The following EHBP1 variants were observed in gnomAD, a reference collection of about 807,000 sequenced individuals.
EHBP1 encodes EH domain binding protein 1, also known as EH domain-binding protein 1.
In EHBP1, 55 loss-of-function variants were observed where a neutral mutation model predicts 144.0. The observed-to-expected ratio is 0.38, with a 90% CI of 0.31 to 0.48. The LOEUF is 0.48. EHBP1 is among the 20% of genes least tolerant of loss of function. EHBP1 has a pLI of 0.98. For synonymous variants in EHBP1, 469 were observed against 472.7 expected, an observed-to-expected ratio of 0.99 and a Z score of 0.10; for missense variants, 1,200 against 1,364.2, an observed-to-expected ratio of 0.88 and a Z score of 1.90.
At chr2:62,880,937 G>A (rs2152871927) in intron 10 of EHBP1, among the ~76,000 whole-genome samples, 1 of 151,836 alleles carries the variant, frequency 6.6e-6, no homozygotes, top group South Asian at 2.1e-4. Flanking sequence ...AACATACTAG[G>A]TATGTTTATC....
At chr2:62,951,534 TG>T (rs70962799) in intron 13 of EHBP1, among the ~76,000 whole-genome samples, 4,665 of 92,248 alleles carry the variant, frequency 0.051, 241 homozygotes, top group African/African-American at 0.15. Flanking sequence ...TTTTTTTTTT[TG>T]GGGGGGGGGG....
intron 5 of EHBP1, among the ~76,000 whole-genome samples, chr2:62,777,880 G>A (rs958621109): frequency 1.3e-5 from 2 of 152,026 alleles, no homozygotes; most frequent in African/African-American, 2.4e-5. Context: ...TCTAAGTAGC[G>A]GAAAGAAATA....
intron 8 of EHBP1, among the ~76,000 whole-genome samples, chr2:62,863,753 G>A (rs550290419): frequency 1.3e-5 from 2 of 149,732 alleles, no homozygotes; most frequent in Admixed American, 6.6e-5. Context: ...CTGTGCTTAC[G>A]TAAATATCAA....
chr2:62,946,796 C>T (rs2057097312), intron 12 of EHBP1, among the ~76,000 whole-genome samples: 1 of 152,002 alleles, frequency 6.6e-6, no homozygotes, highest in South Asian at 2.1e-4. Flanking sequence ...TTAAAAGAAA[C>T]CTAGTTTGTT....
rs148089220 is a variant in EHBP1 at position 62,891,737 on chromosome 2, C to T, written c.1185+17205C>T. 4.9e-4 allele frequency among the ~76,000 whole-genome samples: 75 copies of T among 152,192 alleles called. 1 individual carries two copies. The highest frequency in any genetic ancestry group is 1.5e-3 in the African/African-American group (64 of 41,558). ...ATTAAAGGTGTGTTAGCATCCTCTTCGCAGACTTGCATATAGCGAGGCCGT... is the reference window on the plus strand; with the variant it reads ...ATTAAAGGTGTGTTAGCATCCTCTTTGCAGACTTGCATATAGCGAGGCCGT... On this transcript the variant is annotated intron_variant, in intron 10 of 22. Transcript: ENST00000431489.
chr2:62,906,638 C>A (rs997732458), intron 10 of EHBP1, among the ~76,000 whole-genome samples: 1 of 152,084 alleles, frequency 6.6e-6, no homozygotes, highest in African/African-American at 2.4e-5. Flanking sequence ...AAAGAGATCC[C>A]ATGTGTACTT....
intron 2 of EHBP1, among the ~76,000 whole-genome samples, chr2:62,746,428 A>G (rs1280764264): frequency 6.6e-6 from 1 of 151,984 alleles, no homozygotes; most frequent in Non-Finnish European, 1.5e-5. Flanking sequence ...AATAGGAGGA[A>G]AGGTTATCTG....
At chr2:62,749,100 T>A (rs929455990) in intron 3 of EHBP1, among the ~76,000 whole-genome samples, 1 of 152,106 alleles carries the variant, frequency 6.6e-6, no homozygotes, top group African/African-American at 2.4e-5. Context: ...TCGTCATTTA[T>A]ATTAGGTATA....
intron 7 of EHBP1, among the ~76,000 whole-genome samples, chr2:62,838,445 G>C (rs1272475699): frequency 6.6e-6 from 1 of 151,764 alleles, no homozygotes; most frequent in African/African-American, 2.4e-5. Flanking sequence ...AAAAGCAAGA[G>C]CAAACACATT....
In EHBP1 at chr2:62,943,858, T is replaced by C. The variant is rs770813971; in HGVS notation, c.1413+8T>C. ...AAAGAGAACAACAAAAAGGTAAGAA[T>C]TGATGAGCAAGAAAAATACGTAGTT... is the stretch of plus-strand genomic sequence containing the variant. On this transcript the variant is annotated splice_region_variant and intron_variant, in intron 12 of 22. Transcript: ENST00000431489. 7 of 1,595,644 alleles carry C rather than the reference T, an allele frequency of 4.4e-6. No homozygotes were observed. In the African/African-American group the frequency reaches 9.4e-5, roughly 22 times the overall value.
chr2:63,019,775 G>A (rs891381223), intron 19 of EHBP1, among the ~76,000 whole-genome samples: 2 of 138,902 alleles, frequency 1.4e-5, no homozygotes, highest in Admixed American at 1.5e-4. Context: ...GGAGAGGAGG[G>A]GAGGAGAAGG....
At chr2:62,820,242 A>G (rs1383439683) in intron 5 of EHBP1, among the ~76,000 whole-genome samples, 1 of 151,680 alleles carries the variant, frequency 6.6e-6, no homozygotes, top group Non-Finnish European at 1.5e-5. Context: ...AAAAAAAAGA[A>G]CATGATGTTG....
intron 10 of EHBP1, 83 bp from the exon 11 acceptor site, chr2:62,942,635 A>T (rs2056826056): frequency 8.0e-7 from 1 of 1,252,072 alleles, no homozygotes; most frequent in Non-Finnish European, 1.1e-6. Flanking sequence ...AAAGGGTTCA[A>T]ATGATCTGAT....
chr2:63,039,423 GA>G (rs772779295), intron 21 of EHBP1, among the ~76,000 whole-genome samples: 1 of 152,188 alleles, frequency 6.6e-6, no homozygotes, highest in South Asian at 2.1e-4. Flanking sequence ...TACTATATAT[GA>G]TTTTTTTTTA....
intron 1 of EHBP1, among the ~76,000 whole-genome samples, chr2:62,696,951 T>G (rs969008578): frequency 4.6e-5 from 7 of 152,198 alleles, no homozygotes; most frequent in African/African-American, 1.7e-4. Context: ...AAATAGGCCT[T>G]TGTTTTCTTT....
At chr2:62,704,630 A>G (rs1200220027), upstream of EHBP1, among the ~76,000 whole-genome samples, 6 of 151,938 alleles carry the variant, frequency 3.9e-5, no homozygotes, top group Admixed American at 3.9e-4. Context: ...TTCTCTGATT[A>G]TTCCTTCTCG....
intron 3 of EHBP1, among the ~76,000 whole-genome samples, chr2:62,754,782 C>T (rs543795944): frequency 2.9e-4 from 44 of 152,314 alleles, no homozygotes; most frequent in Middle Eastern, 3.4e-3. Flanking sequence ...TGGGACCCTC[C>T]GAGCCAGGAG....
chr2:62,772,014 A>C (rs1322894335), intron 5 of EHBP1: 1 of 152,538 alleles, frequency 6.6e-6, no homozygotes, highest in African/African-American at 2.4e-5. Flanking sequence ...AGGCTGAGGC[A>C]GGAGAATCGC....
At chr2:62,993,179 G>C (rs1055371165) in intron 16 of EHBP1, among the ~76,000 whole-genome samples, 1 of 152,076 alleles carries the variant, frequency 6.6e-6, no homozygotes, top group African/African-American at 2.4e-5. Flanking sequence ...TATCTCAATG[G>C]GCATAAAATT....
Sources: gnomAD v4.1 joint callset for allele counts (sites outside exome capture counted in the v4.1 genomes callset) on GRCh38, gnomAD v4.1.1 for gene constraint, MANE v1.5 for transcripts, NCBI Gene and HGNC (gene_info 2026-07-23, HGNC 2026-07-21) for gene names.